BSN: variants seen among roughly 807,000 people sequenced by gnomAD.
BSN encodes the protein bassoon presynaptic cytomatrix protein, also known as protein bassoon.
In BSN, 57 loss-of-function variants were observed where a neutral mutation model predicts 264.8. That is an observed-to-expected ratio of 0.22 (90% CI 0.17 to 0.27). BSN has a LOEUF of 0.27. BSN is among the 10% of genes least tolerant of loss of function. The pLI, the probability that BSN is intolerant of heterozygous loss-of-function variation, is 1.00. For missense variants in BSN, 4,615 were observed against 5,232.5 expected (o/e 0.88, Z 3.64); for synonymous variants, 2,059 against 2,137.3 (o/e 0.96, Z 1.01).
intron 11 of BSN, among the ~76,000 whole-genome samples, chr3:49,666,719 G>A (rs1317508234): frequency 3.3e-5 from 5 of 151,868 alleles, no homozygotes; most frequent in Non-Finnish European, 5.9e-5. Context: ...CAGGGACAGG[G>A]CAAAGGCCAG....
In BSN at chr3:49,652,377, A is replaced by G. The variant is rs1366153778; in HGVS notation, c.2821A>G (p.Ser941Gly). 5 of 1,607,818 alleles carry G rather than the reference A, an allele frequency of 3.1e-6. No homozygotes were observed. The highest frequency in any genetic ancestry group is 4.2e-6 in the Non-Finnish European group (5 of 1,176,772). The change falls in exon 5 of 12, where the codon AGT becomes GGT. Residue 941 changes from serine (S) to glycine (G), a missense_variant. By Grantham distance (56) the Ser-to-Gly change is moderately conservative. This residue lies in a region of BSN where 1,197 missense variants were observed against 1,348.0 expected (regional missense o/e 0.89). Transcript: ENST00000296452. ...GACCATTGAGCTCAACAGCACGGGA[A>G]GTTATGGTCATGAGTTGGACCTGGG... ...FKTIELNSTG[S>G]YGHELDLGQG...
intron 1 of BSN, among the ~76,000 whole-genome samples, chr3:49,567,543 G>A (rs2051761694): frequency 6.6e-6 from 1 of 152,182 alleles, no homozygotes; most frequent in African/African-American, 2.4e-5. Flanking sequence ...AGTCTAGCTG[G>A]GGCATGTTCT....
chr3:49,588,078 C>G (rs570001589), intron 1 of BSN, among the ~76,000 whole-genome samples: 188 of 151,954 alleles, frequency 1.2e-3, no homozygotes, highest in African/African-American at 4.4e-3. Flanking sequence ...CCTGCTACCA[C>G]GCCCGGCTAA....
In BSN at chr3:49,657,419, G is replaced by T. The variant is rs2052617437; in HGVS notation, c.7863G>T (p.Glu2621Asp). ...AGACGGACGACGAAGACAGTGCTGA[G>T]TGGGAGCAGCCAGTGCGCCGCCGCA... is the stretch of plus-strand genomic sequence containing the variant. Reference protein sequence around the residue: ...SVQTDDEDSAEWEQPVRRRRS... With the variant: ...SVQTDDEDSADWEQPVRRRRS... Residue 2621 changes from glutamate to aspartate, a missense_variant, in exon 5 of 12, where the codon GAG becomes GAT. Physicochemically the swap from Glu to Asp is conservative, Grantham distance 45 (BLOSUM62 2). Around this residue, in one of 3 missense-constraint regions of BSN, gnomAD observed 3,415 missense variants for 3,866.4 expected, o/e 0.88. Transcript: ENST00000296452. 6.2e-7 allele frequency: 1 copy of T among 1,613,010 alleles called. No individual in the cohort carries two copies.
At position 49,588,036 on chromosome 3, in the gene BSN, C is replaced by T. The variant is rs151219933; in HGVS notation, c.224+33210C>T. 2.4e-3 allele frequency among the ~76,000 whole-genome samples: 364 copies of T among 151,964 alleles called. 1 individual carries two copies. The highest frequency in any genetic ancestry group is 3.6e-3 in the Non-Finnish European group (243 of 67,974). On this transcript the variant is annotated intron_variant, in intron 1 of 11. Transcript: ENST00000296452. ...TCCTGGGCTCAAGCGATTCTTCTGC[C>T]TCAGCCTCCCAAGTAGCTGGGATTA...
chr3:49,620,158 A>G (rs900599963), intron 1 of BSN, among the ~76,000 whole-genome samples: 1 of 152,168 alleles, frequency 6.6e-6, no homozygotes, highest in Non-Finnish European at 1.5e-5. Context: ...AAAACTTGAG[A>G]GGGAGCAAGT....
chr3:49,591,571 T>C (rs1205335946), intron 1 of BSN, among the ~76,000 whole-genome samples: 1 of 152,200 alleles, frequency 6.6e-6, no homozygotes, highest in African/African-American at 2.4e-5. Flanking sequence ...TATTTAAAAC[T>C]AATCTATTTC....
At chr3:49,579,121 A>G (rs1315815302) in intron 1 of BSN, among the ~76,000 whole-genome samples, 1 of 151,664 alleles carries the variant, frequency 6.6e-6, no homozygotes, top group Non-Finnish European at 1.5e-5. Context: ...CCAAGCAGCT[A>G]GGACTACAGG....
chr3:49,652,809 C>A lies in BSN; in HGVS notation c.3253C>A (p.Arg1085=), dbSNP rs201627833. The A allele has an allele frequency of 6.4e-7, 1 of 1,559,668 alleles. No homozygotes were observed. Among genetic ancestry groups the A allele is most frequent in the Non-Finnish European group, 8.7e-7 (1 of 1,151,318 alleles). Residue 1085 remains arginine (R), a synonymous_variant, in exon 5 of 12, where the codon CGG becomes AGG. Transcript: ENST00000296452. ...RRDKEELRAQ[R]RRERSKTPPS... is the part of the protein sequence containing the mutation. ...GGACAAGGAAGAACTGCGGGCCCAGCGGAGGCGAGAGCGCTCCAAGACACC... is the reference window on the plus strand; with the variant it reads ...GGACAAGGAAGAACTGCGGGCCCAGAGGAGGCGAGAGCGCTCCAAGACACC...
chr3:49,559,617 C>G (rs1575423247), intron 1 of BSN, among the ~76,000 whole-genome samples: 1 of 152,302 alleles, frequency 6.6e-6, no homozygotes, highest in East Asian at 1.9e-4. Flanking sequence ...TAAACAGGGT[C>G]TACACATTGA....
At chr3:49,624,269 G>A (rs2052325939) in intron 1 of BSN, among the ~76,000 whole-genome samples, 1 of 146,372 alleles carries the variant, frequency 6.8e-6, no homozygotes, top group African/African-American at 2.5e-5. Flanking sequence ...CCAAAGTGCG[G>A]GGATTCCAGG....
At chr3:49,664,703 C>T in intron 9 of BSN, 96 bp from the exon 10 acceptor site, 1 of 1,576,646 alleles carries the variant, frequency 6.3e-7, no homozygotes, top group Non-Finnish European at 8.7e-7. Flanking sequence ...AATCTCTGCC[C>T]CTTGGGCTGA....
chr3:49,609,767 T>G (rs1030972317), intron 1 of BSN, among the ~76,000 whole-genome samples: 1 of 152,204 alleles, frequency 6.6e-6, no homozygotes, highest in African/African-American at 2.4e-5. Flanking sequence ...GTGAGACTCC[T>G]AAGCAGGGCC....
At chr3:49,581,314 T>C (rs2051894154) in intron 1 of BSN, among the ~76,000 whole-genome samples, 1 of 152,196 alleles carries the variant, frequency 6.6e-6, no homozygotes, top group Admixed American at 6.6e-5. Flanking sequence ...ACTTGGGTTG[T>C]TTCTACTTTT....
In BSN at chr3:49,650,839, G is replaced by A. The variant is rs760142192; in HGVS notation, c.1746G>A (p.Leu582=). ...CTCTATCCACCAAGGCCAGCCCTCT[G>A]CCCAGCAAGGCCAGCCCCCAGGCCA... ...ASPLSTKASP[L]PSKASPQAKP... The change falls in exon 4 of 12, where the codon CTG becomes CTA. Residue 582 remains leucine, a synonymous_variant. Transcript: ENST00000296452. 2 of 1,614,088 alleles carry A rather than the reference G, an allele frequency of 1.2e-6. No individual in the cohort carries two copies. The highest frequency in any genetic ancestry group is 2.2e-5 in the South Asian group (2 of 91,080).
At position 49,554,535 on chromosome 3, in the gene BSN, G is replaced by A; in HGVS notation, c.-68G>A. 1 of 567,802 alleles carries A rather than the reference G, an allele frequency of 1.8e-6. No individual in the cohort carries two copies. Among genetic ancestry groups the A allele is most frequent in the Non-Finnish European group, 2.2e-6 (1 of 448,996 alleles). 35.2% of individuals were successfully genotyped at this position (567,802 alleles called of 1,614,324 possible). Reference sequence around the variant, plus strand: ...GCGGCAGCGGCGGCGCCGAGAGTGTGAGCACCGCCCGGGAGCCGCCGGCCC... The same window carrying A: ...GCGGCAGCGGCGGCGCCGAGAGTGTAAGCACCGCCCGGGAGCCGCCGGCCC... On this transcript the variant is annotated 5_prime_UTR_variant, in exon 1 of 12. It removes the in-frame stop codon of an upstream open reading frame in the 5' UTR. Coordinates refer to ENST00000296452, the MANE Select transcript of BSN (RefSeq NM_003458.4).
At position 49,651,984 on chromosome 3, in the gene BSN, T is replaced by C. The variant is rs1575447826; in HGVS notation, c.2428T>C (p.Leu810=). Residue 810 remains leucine, a synonymous_variant, in exon 5 of 12, where the codon TTG becomes CTG. Transcript: ENST00000296452. This position sits in a 1 kb window ranked among gnomAD's most constrained non-coding sequence, Gnocchi z 5.4. ...GTCCTCAGACGACTTTGGCAGCCAA[T>C]TGAGGCACGACTATGTGGAGGACAG... ...AESSDDFGSQ[L]RHDYVEDSSE... 1.2e-6 allele frequency: 2 copies of C among 1,613,392 alleles called. No homozygotes were observed. The highest frequency in any genetic ancestry group is 1.7e-5 in the Admixed American group (1 of 59,980).
chr3:49,610,614 G>C (rs1279891289), intron 1 of BSN, among the ~76,000 whole-genome samples: 1 of 146,246 alleles, frequency 6.8e-6, no homozygotes, highest in Non-Finnish European at 1.5e-5. Flanking sequence ...AAACAAGTAG[G>C]CCTGATTTCT....
Position 49,554,615 on chromosome 3 carries a change from G to A in BSN, c.13G>A (p.Val5Ile). 1 of 987,726 alleles carries A rather than the reference G, an allele frequency of 1.0e-6. No homozygotes were observed. Among genetic ancestry groups the A allele is most frequent in the African/African-American group, 1.8e-5 (1 of 56,868 alleles). The allele number at this position is 987,726 out of a possible 1,614,324, so 61.2% of individuals were successfully genotyped here. MGNEVSLEGGAGDGP... is the reference protein window; with the variant it reads MGNEISLEGGAGDGP... Reference sequence around the variant, plus strand: ...CCGCCTGCCCGCCATGGGCAACGAGGTCAGCCTGGAGGGCGGCGCTGGCGA... The same window carrying A: ...CCGCCTGCCCGCCATGGGCAACGAGATCAGCCTGGAGGGCGGCGCTGGCGA... The change falls in exon 1 of 12, where the codon GTC (valine) becomes ATC (isoleucine). Residue 5 changes from valine (V) to isoleucine (I), a missense_variant. By Grantham distance (29) the Val-to-Ile change is conservative (BLOSUM62 3). Transcript: ENST00000296452.
Sources: gnomAD v4.1 joint callset for allele counts (sites outside exome capture counted in the v4.1 genomes callset) on GRCh38, gnomAD v4.1.1 for gene constraint, gnomAD v4.1.1 regional missense constraint, Gnocchi (gnomAD v3.1) non-coding constraint, MANE v1.5 for transcripts, NCBI Gene and HGNC (gene_info 2026-07-23, HGNC 2026-07-21) for gene names.